DRC5: variants seen among roughly 807,000 people sequenced by gnomAD.
DRC5 encodes the protein T-complex-associated testis-expressed protein 1.
At chr6:44,294,772 C>CAAAA in the DRC5 span, among the ~76,000 whole-genome samples, 37 of 88,274 alleles carry the variant, frequency 4.2e-4, no homozygotes, top group South Asian at 1.4e-3. Context: ...AACTCTGTCT[C>CAAAA]AAAAAAAAAA....
chr6:44,281,038 T>TGC, the DRC5 span, among the ~76,000 whole-genome samples: 2 of 149,380 alleles, frequency 1.3e-5, no homozygotes, highest in Non-Finnish European at 3.0e-5. Context: ...TGTGTGTGTG[T>TGC]GCGCGCATGC....
the DRC5 span, chr6:44,287,261 T>C: frequency 1.0e-6 from 1 of 984,692 alleles, no homozygotes; most frequent in Non-Finnish European, 1.2e-6. Context: ...GAAGTAGATA[T>C]GGCTCAGGCT....
At chr6:44,287,748 A>G in the DRC5 span, 1 of 1,614,140 alleles carries the variant, frequency 6.2e-7, no homozygotes, top group Non-Finnish European at 8.5e-7. Context: ...TGTGTCCTCC[A>G]GTGGAGGAAT....
chr6:44,285,041 G>A, the DRC5 span, among the ~76,000 whole-genome samples: 4 of 152,156 alleles, frequency 2.6e-5, no homozygotes, highest in Non-Finnish European at 2.9e-5. Context: ...CACACTCTGC[G>A]CCAGCCACAC....
chr6:44,281,043 G>A, the DRC5 span, among the ~76,000 whole-genome samples: 300 of 152,128 alleles, frequency 2.0e-3, 2 homozygotes, highest in African/African-American at 6.8e-3. Context: ...GTGTGTGCGC[G>A]CATGCACGTG....
At chr6:44,289,793 T>G in the DRC5 span, among the ~76,000 whole-genome samples, 1 of 152,206 alleles carries the variant, frequency 6.6e-6, no homozygotes, top group South Asian at 2.1e-4. Flanking sequence ...CCTGCACCCT[T>G]GCACTCCTGC....
chr6:44,286,264 C>T, the DRC5 span: 2 of 1,612,658 alleles, frequency 1.2e-6, no homozygotes, highest in Non-Finnish European at 8.5e-7. Context: ...TCCGGCAGAG[C>T]GGCAGCAGGT....
At chr6:44,290,818 C>T in the DRC5 span, among the ~76,000 whole-genome samples, 1 of 152,100 alleles carries the variant, frequency 6.6e-6, no homozygotes, top group Admixed American at 6.6e-5. Context: ...CTTCACCATA[C>T]TGGCAGGCAG....
the DRC5 span, among the ~76,000 whole-genome samples, chr6:44,292,344 C>G: frequency 6.6e-6 from 1 of 152,178 alleles, no homozygotes; most frequent in Non-Finnish European, 1.5e-5. Context: ...AGCTCAAGCA[C>G]CACTTCCTCT....
chr6:44,294,942 C>T, the DRC5 span, among the ~76,000 whole-genome samples: 1 of 152,090 alleles, frequency 6.6e-6, no homozygotes, highest in Admixed American at 6.5e-5. Context: ...CAGCCTGCAG[C>T]TGAGGGTGCA....
the DRC5 span, chr6:44,288,047 G>T: frequency 1.2e-5 from 6 of 490,370 alleles, no homozygotes; most frequent in South Asian, 2.6e-4. Context: ...TTATCTGTGT[G>T]GCCTTGGGCA....
chr6:44,290,736 G>A, the DRC5 span, among the ~76,000 whole-genome samples: 1 of 152,222 alleles, frequency 6.6e-6, no homozygotes, highest in African/African-American at 2.4e-5. Context: ...GGCTTGGCAG[G>A]GGGAGCCCCA....
At chr6:44,287,566 A>C in the DRC5 span, 1 of 1,609,976 alleles carries the variant, frequency 6.2e-7, no homozygotes, top group Admixed American at 1.7e-5. Context: ...GTTCCTGATA[A>C]TGTGCTGAAT....
the DRC5 span, among the ~76,000 whole-genome samples, chr6:44,292,576 G>T: frequency 6.6e-6 from 1 of 152,170 alleles, no homozygotes; most frequent in South Asian, 2.1e-4. Context: ...CGAGGTAGCT[G>T]GTGTTTGGGG....
At chr6:44,286,341 C>T in the DRC5 span, 799 of 1,613,834 alleles carry the variant, frequency 5.0e-4, 1 homozygote, top group Middle Eastern at 6.6e-4. Context: ...AGGTGCCGCT[C>T]GAAGAACATG....
the DRC5 span, among the ~76,000 whole-genome samples, chr6:44,289,777 C>A: frequency 6.6e-6 from 1 of 152,200 alleles, no homozygotes; most frequent in South Asian, 2.1e-4. Flanking sequence ...CCCCCATTTG[C>A]CCATTCCTGC....
chr6:44,280,018 C>T, the DRC5 span: 1 of 645,470 alleles, frequency 1.5e-6, no homozygotes, highest in African/African-American at 1.8e-5. Context: ...TGCCAGGCTC[C>T]CTTCCCTGCC....
the DRC5 span, chr6:44,297,677 CG>C: frequency 6.6e-6 from 1 of 152,220 alleles, no homozygotes. Flanking sequence ...GGAGCCCCGG[CG>C]CTCGCCTCAC....
At chr6:44,285,785 C>A in the DRC5 span, among the ~76,000 whole-genome samples, 1 of 152,142 alleles carries the variant, frequency 6.6e-6, no homozygotes, top group African/African-American at 2.4e-5. Context: ...GAGAGCAGCG[C>A]CTTGTTCATC....
Sources: gnomAD v4.1 joint callset for allele counts (sites outside exome capture counted in the v4.1 genomes callset) on GRCh38, gnomAD v4.1.1 for gene constraint, MANE v1.5 for transcripts, NCBI Gene and HGNC (gene_info 2026-07-23, HGNC 2026-07-21) for gene names.